SLCO3A1: variants seen among roughly 807,000 people sequenced by gnomAD.
SLCO3A1 encodes PGE1 transporter.
SLCO3A1 carries 27 observed loss-of-function variants against 63.1 expected under a neutral mutation model. The observed-to-expected ratio is 0.43, with a 90% CI of 0.32 to 0.59. The LOEUF (loss-of-function observed/expected upper bound fraction) is 0.59, where lower values mean the gene tolerates loss of function less well. SLCO3A1 is among the 20% of genes least tolerant of loss of function. The probability of loss-of-function intolerance (pLI) is 0.09; values close to 1 mark genes in which losing one functional copy is unlikely to be tolerated. For synonymous variants in SLCO3A1, 473 were observed against 409.9 expected (o/e 1.15, Z -1.86); for missense variants, 773 against 945.8 (o/e 0.82, Z 2.40).
intron 1 of SLCO3A1, among the ~76,000 whole-genome samples, chr15:91,877,843 G>T (rs1435492683): frequency 6.6e-6 from 1 of 152,168 alleles, no homozygotes; most frequent in Non-Finnish European, 1.5e-5. Context: ...CCTGTAGTCT[G>T]ATCTAAGCCT....
In SLCO3A1 at chr15:91,950,385, C is replaced by T. The variant is rs1001867960; in HGVS notation, c.646+33927C>T. 2.0e-5 allele frequency among the ~76,000 whole-genome samples: 3 copies of T among 152,108 alleles called. No homozygotes were observed. The highest frequency in any genetic ancestry group is 4.4e-5 in the Non-Finnish European group (3 of 68,010). On this transcript the variant is annotated intron_variant, in intron 2 of 9. Transcript: ENST00000318445. The surrounding 1 kb of genome is among the most constrained non-coding windows in gnomAD (Gnocchi z 4.4). ...GGCTGGGCAGGCAGGGGGAGCCCAG[C>T]CCTGTCACTGGCCATTGATCCCAGG...
intron 2 of SLCO3A1, among the ~76,000 whole-genome samples, chr15:92,085,433 G>T (rs771004526): frequency 6.6e-6 from 1 of 152,218 alleles, no homozygotes; most frequent in Non-Finnish European, 1.5e-5. Context: ...GAAGCCAAGT[G>T]CCCCGGGGCG....
intron 2 of SLCO3A1, among the ~76,000 whole-genome samples, chr15:92,052,378 A>G (rs1297950098): frequency 1.3e-5 from 2 of 152,204 alleles, no homozygotes. Flanking sequence ...AAGGGATCAT[A>G]TGAATGTTCA....
intron 1 of SLCO3A1, among the ~76,000 whole-genome samples, chr15:91,880,391 C>CTGTGTGTGTGTG (rs1248316415): frequency 0.024 from 1,799 of 74,300 alleles, 49 homozygotes; most frequent in African/African-American, 0.098. Context: ...TTCTCTCTCT[C>CTGTGTGTGTGTG]TCTCTCTCTC....
At chr15:91,938,691 C>T (rs1374117412) in intron 2 of SLCO3A1, among the ~76,000 whole-genome samples, 4 of 152,126 alleles carry the variant, frequency 2.6e-5, no homozygotes, top group Admixed American at 6.5e-5. Context: ...AACTTGCCCA[C>T]GATCACCCAG....
At chr15:91,961,215 A>C (rs1301154077) in intron 2 of SLCO3A1, among the ~76,000 whole-genome samples, 2 of 152,222 alleles carry the variant, frequency 1.3e-5, no homozygotes, top group Admixed American at 6.5e-5. Context: ...ATTATGAAGC[A>C]TTTGTAGAAG....
intron 4 of SLCO3A1, among the ~76,000 whole-genome samples, chr15:92,120,076 A>AACACAC (rs138316241): frequency 5.3e-5 from 8 of 150,884 alleles, no homozygotes; most frequent in African/African-American, 2.0e-4. Context: ...ATTTTATATA[A>AACACAC]ACACACACAC....
chr15:91,916,580 G>A lies in SLCO3A1; in HGVS notation c.646+122G>A, dbSNP rs1898668894. 2.8e-6 allele frequency: 2 copies of A among 724,702 alleles called. No individual in the cohort carries two copies. The allele number at this position is 724,702 out of a possible 1,614,324, so 44.9% of individuals were successfully genotyped here. ...TCTCAGACTTGGCTGCACACCTAGT[G>A]TTCTTGAAAAATACTCATGCCTGGG... On this transcript the variant is annotated intron_variant, in intron 2 of 9. Coordinates refer to ENST00000318445, the MANE Select transcript of SLCO3A1 (RefSeq NM_013272.4). The surrounding 1 kb of genome is among the most constrained non-coding windows in gnomAD (Gnocchi z 6.2).
At chr15:92,034,059 T>C (rs1399444643) in intron 2 of SLCO3A1, among the ~76,000 whole-genome samples, 4 of 146,734 alleles carry the variant, frequency 2.7e-5, no homozygotes, top group Non-Finnish European at 4.7e-5. Flanking sequence ...TGGGAAGCCA[T>C]TGCAGGGTGC....
intron 7 of SLCO3A1, among the ~76,000 whole-genome samples, chr15:92,145,481 A>G (rs537484253): frequency 6.6e-6 from 1 of 152,316 alleles, no homozygotes; most frequent in South Asian, 2.1e-4. Context: ...TGCAAAAGAC[A>G]TAGGTCTTGT....
chr15:92,023,917 C>CT (rs1178008274), intron 2 of SLCO3A1, among the ~76,000 whole-genome samples: 2 of 152,144 alleles, frequency 1.3e-5, no homozygotes, highest in Admixed American at 6.5e-5. Context: ...GCTAAGATAC[C>CT]TTTTTTTCCA....
intron 2 of SLCO3A1, among the ~76,000 whole-genome samples, chr15:92,027,482 G>T (rs1198605148): frequency 6.6e-6 from 1 of 152,186 alleles, no homozygotes; most frequent in Non-Finnish European, 1.5e-5. Flanking sequence ...CTTGCCCAAG[G>T]TCACACAGCC....
At chr15:92,132,567 G>C (rs981708730) in intron 7 of SLCO3A1, among the ~76,000 whole-genome samples, 1 of 142,734 alleles carries the variant, frequency 7.0e-6, no homozygotes, top group East Asian at 2.0e-4. Context: ...TTAGTATGCT[G>C]TGGACTGATG....
chr15:92,030,231 CT>C (rs1032824499), intron 2 of SLCO3A1, among the ~76,000 whole-genome samples: 1 of 152,168 alleles, frequency 6.6e-6, no homozygotes, highest in Admixed American at 6.5e-5. Context: ...ACAGTTTGGT[CT>C]TTTTTTACCC....
At position 92,165,255 on chromosome 15, in the gene SLCO3A1, C is replaced by T; in HGVS notation, c.*2120C>T. 1 of 985,322 alleles carries T rather than the reference C, an allele frequency of 1.0e-6. No homozygotes were observed. The highest frequency in any genetic ancestry group is 1.2e-6 in the Non-Finnish European group (1 of 829,904). The allele number at this position is 985,322 out of a possible 1,614,324, so 61.0% of individuals were successfully genotyped here. ...ACTGCTTAGTGTTAGTATGTCCTTGCTTATGAAAATGGGGACACTCATCAG... is the reference window on the plus strand; with the variant it reads ...ACTGCTTAGTGTTAGTATGTCCTTGTTTATGAAAATGGGGACACTCATCAG... On this transcript the variant is annotated 3_prime_UTR_variant, in exon 10 of 10. Transcript: ENST00000318445.
chr15:91,916,493 A>G lies in SLCO3A1; in HGVS notation c.646+35A>G. On this transcript the variant is annotated intron_variant, in intron 2 of 9. Coordinates refer to ENST00000318445, the MANE Select transcript of SLCO3A1 (RefSeq NM_013272.4). This position sits in a 1 kb window ranked among gnomAD's most constrained non-coding sequence, Gnocchi z 6.2. ...GCCCCAGCCGTATTAGCAAGAGACC[A>G]GGGTGTGTTGACCATGGATAAAAGG... 3.4e-6 allele frequency: 5 copies of G among 1,484,836 alleles called. No homozygotes were observed. The highest frequency in any genetic ancestry group is 3.7e-6 in the Non-Finnish European group (4 of 1,093,140). The allele number at this position is 1,484,836 out of a possible 1,614,324, so 92.0% of individuals were successfully genotyped here.
chr15:91,908,858 C>CAAGACCAGCCTGGCCAACATGGTG (rs1229336786), intron 1 of SLCO3A1: 3 of 151,558 alleles, frequency 2.0e-5, no homozygotes, highest in Non-Finnish European at 4.4e-5. Context: ...GTTAGGAGTT[C>CAAGACCAGCCTGGCCAACATGGTG]AAGACCAGCC....
At chr15:91,871,122 ATCT>A (rs1897269736) in intron 1 of SLCO3A1, among the ~76,000 whole-genome samples, 1 of 152,056 alleles carries the variant, frequency 6.6e-6, no homozygotes, top group Admixed American at 6.6e-5. Flanking sequence ...ATCAGGCTAT[ATCT>A]TTCTTTGATT....
At chr15:92,170,305 G>C (rs759516849), downstream of SLCO3A1, among the ~76,000 whole-genome samples, 3 of 152,166 alleles carry the variant, frequency 2.0e-5, no homozygotes, top group Non-Finnish European at 4.4e-5. Flanking sequence ...GTAAGGGAGG[G>C]AAGGGGCCAG....
Sources: gnomAD v4.1 joint callset for allele counts (sites outside exome capture counted in the v4.1 genomes callset) on GRCh38, gnomAD v4.1.1 for gene constraint, Gnocchi (gnomAD v3.1) non-coding constraint, MANE v1.5 for transcripts, NCBI Gene and HGNC (gene_info 2026-07-23, HGNC 2026-07-21) for gene names.